The following XKR4 variants were observed in gnomAD, a reference collection of about 807,000 sequenced individuals.
XKR4 encodes the protein XK related 4.
In XKR4, 12 loss-of-function variants were observed where a neutral mutation model predicts 53.9. The ratio of observed to expected loss-of-function variants is 0.22; its 90% CI spans 0.14 to 0.36. The LOEUF is 0.36. XKR4 is among the 10% of genes least tolerant of loss of function. XKR4 has a pLI of 1.00. For synonymous variants in XKR4, 354 were observed against 362.4 expected (o/e 0.98, Z 0.26); for missense variants, 799 against 859.5 (o/e 0.93, Z 0.88).
At chr8:55,255,158 A>C (rs146847778) in intron 1 of XKR4, among the ~76,000 whole-genome samples, 14 of 152,346 alleles carry the variant, frequency 9.2e-5, no homozygotes, top group African/African-American at 3.4e-4. Context: ...GAAAACTCTT[A>C]TCTATGAACA....
intron 2 of XKR4, among the ~76,000 whole-genome samples, chr8:55,442,098 A>G (rs1805277830): frequency 6.6e-6 from 1 of 152,152 alleles, no homozygotes; most frequent in Non-Finnish European, 1.5e-5. Flanking sequence ...ATACCTAACA[A>G]TGATGATCAA....
intron 2 of XKR4, among the ~76,000 whole-genome samples, chr8:55,459,438 T>C (rs575332737): frequency 6.6e-5 from 10 of 152,186 alleles, no homozygotes; most frequent in African/African-American, 2.4e-4. Context: ...TTGAACTTCA[T>C]AAAAATTTTA....
chr8:55,210,086 ATT>A (rs75698088), intron 1 of XKR4, among the ~76,000 whole-genome samples: 30,413 of 141,526 alleles, frequency 0.21, 3,018 homozygotes, highest in African/African-American at 0.23. Flanking sequence ...CATCCTCTCC[ATT>A]TTTTTTTTTT....
intron 1 of XKR4, among the ~76,000 whole-genome samples, chr8:55,231,118 T>A (rs1563488674): frequency 6.6e-6 from 1 of 152,246 alleles, no homozygotes; most frequent in Non-Finnish European, 1.5e-5. Context: ...TTCAAATTGA[T>A]TGATTCGTTT....
intron 2 of XKR4, among the ~76,000 whole-genome samples, chr8:55,360,461 G>A (rs774567864): frequency 2.0e-5 from 3 of 152,178 alleles, no homozygotes; most frequent in Non-Finnish European, 4.4e-5. Context: ...TGATAACCTA[G>A]TTTGACATGT....
At chr8:55,282,908 T>A (rs1332170917) in intron 1 of XKR4, among the ~76,000 whole-genome samples, 1 of 152,236 alleles carries the variant, frequency 6.6e-6, no homozygotes, top group Admixed American at 6.5e-5. Flanking sequence ...GTACTATGAA[T>A]GTATGATATA....
intron 1 of XKR4, among the ~76,000 whole-genome samples, chr8:55,170,179 G>T (rs1482490388): frequency 6.6e-6 from 1 of 152,130 alleles, no homozygotes; most frequent in Non-Finnish European, 1.5e-5. Flanking sequence ...AGTGTGATGG[G>T]CAGAATAACG....
intron 1 of XKR4, among the ~76,000 whole-genome samples, chr8:55,177,993 A>G (rs189953884): frequency 3.9e-5 from 6 of 152,306 alleles, no homozygotes; most frequent in Admixed American, 3.3e-4. Context: ...AGGTGCTCCA[A>G]AATTTATATT....
intron 2 of XKR4, among the ~76,000 whole-genome samples, chr8:55,486,138 A>G (rs559924451): frequency 5.4e-4 from 82 of 152,306 alleles, no homozygotes; most frequent in African/African-American, 1.9e-3. Flanking sequence ...GAGATGAACC[A>G]TAAAAAAATC....
intron 1 of XKR4, among the ~76,000 whole-genome samples, chr8:55,269,835 G>A (rs1818661741): frequency 6.6e-6 from 1 of 152,124 alleles, no homozygotes; most frequent in South Asian, 2.1e-4. Context: ...TGTTAATAAT[G>A]GCATTGAGGG....
At chr8:55,196,339 G>A (rs1244292541) in intron 1 of XKR4, among the ~76,000 whole-genome samples, 1 of 151,950 alleles carries the variant, frequency 6.6e-6, no homozygotes, top group Non-Finnish European at 1.5e-5. Flanking sequence ...TCACCACCAT[G>A]CGCAGCTAAT....
intron 1 of XKR4, among the ~76,000 whole-genome samples, chr8:55,189,167 A>G (rs1019534145): frequency 6.6e-6 from 1 of 151,976 alleles, no homozygotes; most frequent in African/African-American, 2.4e-5. Flanking sequence ...TGTTAAATTT[A>G]TTTTCATTTA....
At chr8:55,276,243 G>A (rs982901994) in intron 1 of XKR4, among the ~76,000 whole-genome samples, 1 of 152,148 alleles carries the variant, frequency 6.6e-6, no homozygotes, top group African/African-American at 2.4e-5. Context: ...TAAAGACATT[G>A]GTTTGGGGAT....
At chr8:55,489,587 C>G (rs1380478851) in intron 2 of XKR4, among the ~76,000 whole-genome samples, 1 of 151,560 alleles carries the variant, frequency 6.6e-6, no homozygotes, top group South Asian at 2.1e-4. Flanking sequence ...CAGTCTAACA[C>G]TTTTGTTATT....
chr8:55,412,386 G>C (rs1415570716), intron 2 of XKR4, among the ~76,000 whole-genome samples: 2 of 152,170 alleles, frequency 1.3e-5, no homozygotes, highest in Non-Finnish European at 2.9e-5. Context: ...AATAAATAAA[G>C]GGGAAAATAT....
rs888944001 is a variant in XKR4 at position 55,131,922 on chromosome 8, GCA to G, written c.806+28631_806+28632del. Reference sequence around the variant, plus strand: ...AGCATGCTGTTTACACATGGCCTGTGCACAGTCTTAATGAGAGCCATTCTGGG... The same window carrying G: ...AGCATGCTGTTTACACATGGCCTGTGCAGTCTTAATGAGAGCCATTCTGGG... On this transcript the variant is annotated intron_variant, in intron 1 of 2. Transcript: ENST00000327381. Among the ~76,000 whole-genome samples, 221 of 152,254 alleles carry G rather than the reference GCA, an allele frequency of 1.5e-3. 1 individual carries two copies. The highest frequency in any genetic ancestry group is 5.0e-3 in the African/African-American group (207 of 41,546).
At chr8:55,288,989 G>A (rs748054387) in intron 1 of XKR4, among the ~76,000 whole-genome samples, 16 of 152,122 alleles carry the variant, frequency 1.1e-4, no homozygotes, top group South Asian at 4.2e-4. Flanking sequence ...TGCATGGATC[G>A]GCAGTTTGCT....
intron 1 of XKR4, among the ~76,000 whole-genome samples, chr8:55,301,609 G>C (rs1007554129): frequency 3.3e-5 from 5 of 152,126 alleles, no homozygotes; most frequent in Admixed American, 2.6e-4. Flanking sequence ...TACAGTCCCA[G>C]CAGCAGTGTA....
At chr8:55,299,256 C>A (rs1184041743) in intron 1 of XKR4, among the ~76,000 whole-genome samples, 1 of 152,156 alleles carries the variant, frequency 6.6e-6, no homozygotes, top group Non-Finnish European at 1.5e-5. Flanking sequence ...CCCTCCAGGA[C>A]AAAGTGGAGA....
Sources: gnomAD v4.1 joint callset for allele counts (sites outside exome capture counted in the v4.1 genomes callset) on GRCh38, gnomAD v4.1.1 for gene constraint, MANE v1.5 for transcripts, NCBI Gene and HGNC (gene_info 2026-07-23, HGNC 2026-07-21) for gene names.